Variants in HDAC9 observed in about 807,000 individuals in gnomAD.
HDAC9 encodes the protein histone deacetylase 9, also known as MEF-2 interacting transcription repressor (MITR) protein.
A neutral mutation model predicts 139.4 loss-of-function variants in HDAC9; 41 were observed. The observed-to-expected ratio is 0.29, with a 90% CI of 0.23 to 0.38. The LOEUF (loss-of-function observed/expected upper bound fraction) is 0.38, where lower values mean the gene tolerates loss of function less well. HDAC9 is among the 10% of genes least tolerant of loss of function. The pLI is 1.00. For missense variants in HDAC9, 1,147 were observed against 1,297.0 expected (o/e 0.88, Z 1.78); for synonymous variants, 517 against 476.2 (o/e 1.09, Z -1.12).
chr7:18,879,855 A>G (rs779178073), intron 22 of HDAC9, among the ~76,000 whole-genome samples: 2 of 152,198 alleles, frequency 1.3e-5, no homozygotes, highest in Non-Finnish European at 2.9e-5. Context: ...AAAAGAAACT[A>G]TGAACAGGGT....
intron 6 of HDAC9, among the ~76,000 whole-genome samples, chr7:18,613,189 G>C (rs1837648612): frequency 6.6e-6 from 1 of 150,986 alleles, no homozygotes; most frequent in Non-Finnish European, 1.5e-5. Flanking sequence ...AAGATTAGAA[G>C]GAACTGAATA....
At chr7:18,186,827 T>C (rs1169142389) in intron 2 of HDAC9, among the ~76,000 whole-genome samples, 1 of 152,220 alleles carries the variant, frequency 6.6e-6, no homozygotes, top group Non-Finnish European at 1.5e-5. Flanking sequence ...TTTTGAAAAC[T>C]GTTAATGTTA....
intron 1 of HDAC9, among the ~76,000 whole-genome samples, chr7:18,137,781 C>A (rs1178365): frequency 0.19 from 29,378 of 151,896 alleles, 3,663 homozygotes; most frequent in African/African-American, 0.36. Flanking sequence ...TTGGTTGTGT[C>A]TCTGCCCGGC....
intron 8 of HDAC9, among the ~76,000 whole-genome samples, chr7:18,643,501 A>T (rs1786382269): frequency 6.6e-6 from 1 of 152,082 alleles, no homozygotes; most frequent in Non-Finnish European, 1.5e-5. Flanking sequence ...ACTAAGACTC[A>T]TCTCCAAACA....
Position 18,156,839 on chromosome 7 carries a change from A to G in HDAC9, c.-96-5390A>G, listed in dbSNP as rs146730804. 1.7e-3 allele frequency among the ~76,000 whole-genome samples: 263 copies of G among 152,304 alleles called. 1 individual carries two copies. The highest frequency in any genetic ancestry group is 3.4e-3 in the Middle Eastern group (1 of 294). On this transcript the variant is annotated intron_variant, in intron 1 of 12. Coordinates refer to the HDAC9 transcript ENST00000417496. Reference sequence around the variant, plus strand: ...TCAGTATGGCTTTAAAGAATTCAAGATACGGCTGGGTGTGGTGGCTCACAC... The same window carrying G: ...TCAGTATGGCTTTAAAGAATTCAAGGTACGGCTGGGTGTGGTGGCTCACAC...
In HDAC9 at chr7:18,677,263, AT is replaced by A. The variant is rs910310630; in HGVS notation, c.1731+10795del. 2.6e-5 allele frequency among the ~76,000 whole-genome samples: 4 copies of A among 151,782 alleles called. No homozygotes were observed. In the East Asian group the frequency reaches 5.8e-4, roughly 22 times the overall value. On this transcript the variant is annotated intron_variant, in intron 12 of 25. Coordinates refer to ENST00000686413, the MANE Select transcript of HDAC9 (RefSeq NM_178425.4). ...AGAGTTTGTGATATTTTCAGTCTGA[AT>A]TTTTTTTCAATCAGAAAATGCTTCT... is the stretch of plus-strand genomic sequence containing the variant.
At chr7:18,432,653 A>C (rs1385689050) in intron 1 of HDAC9, among the ~76,000 whole-genome samples, 1 of 152,194 alleles carries the variant, frequency 6.6e-6, no homozygotes, top group Non-Finnish European at 1.5e-5. Context: ...GCATGCTTGA[A>C]ATACCAGTGG....
At chr7:18,099,384 T>C (rs983169716) in intron 1 of HDAC9, among the ~76,000 whole-genome samples, 6 of 151,872 alleles carry the variant, frequency 4.0e-5, no homozygotes, top group African/African-American at 1.2e-4. Flanking sequence ...AGGAGAATCG[T>C]TTGGACCCTG....
intron 1 of HDAC9, among the ~76,000 whole-genome samples, chr7:18,314,155 A>G (rs890487049): frequency 2.2e-4 from 33 of 152,290 alleles, no homozygotes; most frequent in African/African-American, 7.7e-4. Flanking sequence ...GTTCTATAGA[A>G]ACTCATAGCT....
At chr7:18,774,593 T>G (rs899529483) in intron 16 of HDAC9, among the ~76,000 whole-genome samples, 1 of 152,100 alleles carries the variant, frequency 6.6e-6, no homozygotes, top group African/African-American at 2.4e-5. Context: ...TTAAAAATCC[T>G]AATGATCATC....
chr7:18,727,524 T>C, intron 12 of HDAC9, 56 bp from the exon 13 acceptor site: 1 of 1,423,404 alleles, frequency 7.0e-7, no homozygotes, highest in Middle Eastern at 1.8e-4. Context: ...TCGCTCAGTG[T>C]CTCCCTCAAT....
intron 22 of HDAC9, among the ~76,000 whole-genome samples, chr7:18,878,338 G>C (rs1436550938): frequency 6.6e-6 from 1 of 152,104 alleles, no homozygotes; most frequent in African/African-American, 2.4e-5. Context: ...ATGTGAACAA[G>C]AATATGTTTT....
chr7:18,139,745 C>T (rs1332794507), intron 1 of HDAC9, among the ~76,000 whole-genome samples: 1 of 152,070 alleles, frequency 6.6e-6, no homozygotes, highest in Non-Finnish European at 1.5e-5. Context: ...CAGGTGGGCC[C>T]TAAATGCAGT....
chr7:18,582,538 A>G (rs185686568), intron 2 of HDAC9, among the ~76,000 whole-genome samples: 4 of 152,206 alleles, frequency 2.6e-5, no homozygotes, highest in Admixed American at 1.3e-4. Flanking sequence ...AATGGTTATC[A>G]TAGTGTAAAT....
At chr7:18,140,723 C>T (rs1377428568) in intron 1 of HDAC9, among the ~76,000 whole-genome samples, 1 of 152,020 alleles carries the variant, frequency 6.6e-6, no homozygotes, top group Non-Finnish European at 1.5e-5. Context: ...TTTTAACTTA[C>T]ATGCCTATGT....
chr7:18,829,584 T>C (rs1375409478), intron 19 of HDAC9, 36 bp downstream of exon 19: 2 of 1,334,954 alleles, frequency 1.5e-6, no homozygotes, highest in Non-Finnish European at 2.1e-6. Context: ...TTTTCAGTGA[T>C]TCTAGATAAA....
At chr7:18,924,283 T>C (rs1181555115) in intron 22 of HDAC9, among the ~76,000 whole-genome samples, 1 of 152,108 alleles carries the variant, frequency 6.6e-6, no homozygotes, top group Non-Finnish European at 1.5e-5. Context: ...AACAAATGTA[T>C]AATAGAAGCT....
intron 2 of HDAC9, among the ~76,000 whole-genome samples, chr7:18,269,680 C>T (rs549325569): frequency 1.3e-5 from 2 of 152,086 alleles, no homozygotes; most frequent in African/African-American, 4.8e-5. Context: ...CATGATTGTG[C>T]CACTGCACTT....
chr7:18,338,008 T>G (rs1781708834), intron 1 of HDAC9, among the ~76,000 whole-genome samples: 1 of 151,764 alleles, frequency 6.6e-6, no homozygotes, highest in Non-Finnish European at 1.5e-5. Context: ...CTTTGAAAAG[T>G]ATAGAGCACT....
Sources: gnomAD v4.1 joint callset for allele counts (sites outside exome capture counted in the v4.1 genomes callset) on GRCh38, gnomAD v4.1.1 for gene constraint, MANE v1.5 for transcripts, NCBI Gene and HGNC (gene_info 2026-07-23, HGNC 2026-07-21) for gene names.